SETD5: variants seen among roughly 807,000 people sequenced by gnomAD.
The protein encoded by SETD5 is histone-lysine N-methyltransferase SETD5.
In SETD5, 44 loss-of-function variants were observed where a neutral mutation model predicts 153.3. The ratio of observed to expected loss-of-function variants is 0.29; its 90% CI spans 0.23 to 0.37. SETD5 has a LOEUF of 0.37. SETD5 is among the 10% of genes least tolerant of loss of function. SETD5 has a pLI of 1.00. For missense variants in SETD5, 1,544 were observed against 1,768.0 expected (o/e 0.87, Z 2.27); for synonymous variants, 716 against 645.2 (o/e 1.11, Z -1.66).
intron 1 of SETD5, among the ~76,000 whole-genome samples, chr3:9,416,546 CTTTT>C (rs377384164): frequency 6.6e-6 from 1 of 152,052 alleles, no homozygotes; most frequent in Non-Finnish European, 1.5e-5. Context: ...ATGATTAAGA[CTTTT>C]TTTAATAACC....
intron 9 of SETD5, 127 bp from the exon 10 acceptor site, chr3:9,442,001 G>C (rs1176501079): frequency 4.0e-6 from 3 of 746,652 alleles, no homozygotes; most frequent in Non-Finnish European, 6.6e-6. Flanking sequence ...CAAACGTGAT[G>C]CTTTCCCAAG....
chr3:9,448,412 G>T lies in SETD5; in HGVS notation c.2128G>T (p.Asp710Tyr). 6.2e-7 allele frequency: 1 copy of T among 1,613,924 alleles called. No homozygotes were observed. The highest frequency in any genetic ancestry group is 1.1e-5 in the South Asian group (1 of 91,052). The change falls in exon 16 of 23, where the codon GAC becomes TAC. Residue 710 changes from aspartate (D) to tyrosine (Y), a missense_variant. This residue lies in a region of SETD5 where 782 missense variants were observed against 787.2 expected (regional missense o/e 0.99). Transcript: ENST00000402198. ...KKYLVTEWLN[D>Y]KAEKQECPVE... is the part of the protein sequence containing the mutation. The stretch of plus-strand genomic sequence containing the variant: ...GTATCTAGTTACAGAATGGTTGAAT[G>T]ACAAAGCAGAGAAGCAAGAGTGCCC...
chr3:9,408,508 G>T (rs1559350221), intron 1 of SETD5, among the ~76,000 whole-genome samples: 4 of 152,206 alleles, frequency 2.6e-5, no homozygotes, highest in East Asian at 1.9e-4. Flanking sequence ...TATAGATTCT[G>T]TTTTTTCCAT....
At chr3:9,430,291 A>G (rs755112678) in intron 3 of SETD5, 14 of 984,200 alleles carry the variant, frequency 1.4e-5, no homozygotes, top group Non-Finnish European at 1.6e-5. Context: ...ACTTAAAGCT[A>G]CCCTGAGAAA....
At chr3:9,433,479 A>G in intron 3 of SETD5, 2 of 1,290,454 alleles carry the variant, frequency 1.5e-6, no homozygotes, top group Non-Finnish European at 2.0e-6. Context: ...TCATGGAAGT[A>G]TTAAGAGATC....
Position 9,453,606 on chromosome 3 carries a change from A to T in SETD5, c.2347-133A>T, listed in dbSNP as rs147479073. 12 of 782,438 alleles carry T rather than the reference A, an allele frequency of 1.5e-5. No homozygotes were observed. The East Asian group carries it at 3.6e-4, about 24-fold the overall frequency. 48.5% of individuals were successfully genotyped at this position (782,438 alleles called of 1,614,324 possible). The stretch of plus-strand genomic sequence containing the variant: ...GTTCCAATATGCTGAGACACAAGAC[A>T]ATAAAATGCTTGACTGTGTAACTGA... On this transcript the variant is annotated intron_variant, in intron 16 of 22. Transcript: ENST00000402198.
intron 7 of SETD5, chr3:9,437,020 C>T (rs2040648199): frequency 2.7e-6 from 2 of 745,926 alleles, no homozygotes; most frequent in African/African-American, 3.6e-5. Flanking sequence ...TGTTGCCATT[C>T]AGTTTTCATA....
intron 17 of SETD5, among the ~76,000 whole-genome samples, chr3:9,455,560 G>C (rs903716444): frequency 6.6e-6 from 1 of 151,998 alleles, no homozygotes; most frequent in Non-Finnish European, 1.5e-5. Flanking sequence ...TTTTCTTCTA[G>C]TATTCACCAA....
At chr3:9,448,254 T>A (rs1575474458) in intron 15 of SETD5, 134 bp from the exon 16 acceptor site, 2 of 1,352,016 alleles carry the variant, frequency 1.5e-6, no homozygotes, top group African/African-American at 1.5e-5. Flanking sequence ...GATATCCTTG[T>A]GTTCTAGTTG....
intron 1 of SETD5, among the ~76,000 whole-genome samples, chr3:9,402,976 C>CA (rs1242822831): frequency 6.6e-6 from 1 of 152,106 alleles, no homozygotes. Context: ...ATTATGCCTC[C>CA]AGTAGGCCTG....
Position 9,427,288 on chromosome 3 carries a change from C to T in SETD5, c.-116-1535C>T, listed in dbSNP as rs535814271. On this transcript the variant is annotated intron_variant, in intron 2 of 22. Coordinates refer to ENST00000402198, the MANE Select transcript of SETD5 (RefSeq NM_001080517.3). ...AACCGGCCAGGCACGGTGGCTCACGCCTATAGTCCTAGCACTTTGAGAGGC... is the reference window on the plus strand; with the variant it reads ...AACCGGCCAGGCACGGTGGCTCACGTCTATAGTCCTAGCACTTTGAGAGGC... Among the ~76,000 whole-genome samples the T allele has an allele frequency of 1.4e-4, 21 of 152,332 alleles. No individual in the cohort carries two copies. In the East Asian group the frequency reaches 3.7e-3, roughly 27 times the overall value.
rs2044799844 is a variant in SETD5, at chr3:9,467,887, T to G, written c.2725-2572T>G. 1.3e-5 allele frequency among the ~76,000 whole-genome samples: 2 copies of G among 151,778 alleles called. 1 individual carries two copies. Among genetic ancestry groups the G allele is most frequent in the South Asian group, 4.2e-4 (2 of 4,818 alleles). Reference sequence around the variant, plus strand: ...TACAATGGATTTTACAAAATAACATTAATAGGGGTGGCTCAGGTCTAATTA... The same window carrying G: ...TACAATGGATTTTACAAAATAACATGAATAGGGGTGGCTCAGGTCTAATTA... On this transcript the variant is annotated intron_variant, in intron 18 of 22. Transcript: ENST00000402198.
intron 1 of SETD5, among the ~76,000 whole-genome samples, chr3:9,407,825 AC>A (rs895966639): frequency 2.7e-4 from 41 of 152,116 alleles, no homozygotes; most frequent in African/African-American, 8.9e-4. Context: ...ACATGGAGAA[AC>A]CCCATCTCTA....
At chr3:9,431,008 TTAA>T in intron 3 of SETD5, 1 of 985,438 alleles carries the variant, frequency 1.0e-6, no homozygotes, top group Non-Finnish European at 1.2e-6. Flanking sequence ...TGTTAAATTA[TTAA>T]TGATATTTAT....
Position 9,463,665 on chromosome 3 carries a change from A to G in SETD5, c.2477-760A>G, listed in dbSNP as rs144483510. On this transcript the variant is annotated intron_variant, in intron 17 of 22. Transcript: ENST00000402198. ...TTTTTAGGTAGAAAAGGGGCTAGAC[A>G]TGGATCAAGGAATCATATAAGAATA... Among the ~76,000 whole-genome samples the G allele has an allele frequency of 5.6e-3, 859 of 152,366 alleles. 7 individuals are homozygous for G. Among genetic ancestry groups the G allele is most frequent in the Middle Eastern group, 0.034 (10 of 294 alleles).
intron 17 of SETD5, among the ~76,000 whole-genome samples, chr3:9,463,037 G>A (rs767305936): frequency 4.7e-5 from 7 of 148,134 alleles, no homozygotes; most frequent in Non-Finnish European, 7.4e-5. Flanking sequence ...GTTTTGTTTT[G>A]AGACAGTCTC....
At chr3:9,448,218 T>C (rs896537137) in intron 15 of SETD5, among the ~76,000 whole-genome samples, 170 bp from the exon 16 acceptor site, 100 of 152,190 alleles carry the variant, frequency 6.6e-4, no homozygotes, top group African/African-American at 2.3e-3. Context: ...ATTCCTCTCT[T>C]AGTGGGCGTG....
At chr3:9,431,038 C>T in intron 3 of SETD5, 1 of 985,112 alleles carries the variant, frequency 1.0e-6, no homozygotes, top group Non-Finnish European at 1.2e-6. Flanking sequence ...TTCATCATGC[C>T]TATTTCGCTG....
At position 9,453,108 on chromosome 3, in the gene SETD5, T is replaced by C. The variant is rs930769657; in HGVS notation, c.2347-631T>C. 4.0e-4 allele frequency among the ~76,000 whole-genome samples: 61 copies of C among 151,948 alleles called. 1 individual carries two copies. The highest frequency in any genetic ancestry group is 8.8e-5 in the Non-Finnish European group (6 of 67,900). ...TAGGTCTTCTTTTTGACTTTTTCCC[T>C]TTTTTTTGATTTCTACTGAAGCTCA... On this transcript the variant is annotated intron_variant, in intron 16 of 22. Coordinates refer to ENST00000402198, the MANE Select transcript of SETD5 (RefSeq NM_001080517.3).
Sources: gnomAD v4.1 joint callset for allele counts (sites outside exome capture counted in the v4.1 genomes callset) on GRCh38, gnomAD v4.1.1 for gene constraint, gnomAD v4.1.1 regional missense constraint, MANE v1.5 for transcripts, NCBI Gene and HGNC (gene_info 2026-07-23, HGNC 2026-07-21) for gene names.